Variants in BDP1 observed in about 807,000 individuals in gnomAD.
BDP1 encodes the protein transcription factor TFIIIB component B'' homolog.
BDP1 carries 169 observed loss-of-function variants against 266.6 expected under a neutral mutation model. The ratio of observed to expected loss-of-function variants is 0.63; its 90% CI spans 0.56 to 0.72. The LOEUF (loss-of-function observed/expected upper bound fraction) is 0.72. Ranked by LOEUF, BDP1 falls within the 30% of genes least tolerant of loss-of-function variation. The pLI, the probability that BDP1 is intolerant of heterozygous loss-of-function variation, is 0.00. For missense variants in BDP1, 3,015 were observed against 3,053.8 expected (o/e 0.99, Z 0.30); for synonymous variants, 1,090 against 1,022.4 (o/e 1.07, Z -1.26).
intron 21 of BDP1, 67 bp from the exon 22 acceptor site, chr5:71,517,255 G>A: frequency 7.9e-7 from 1 of 1,258,972 alleles, no homozygotes; most frequent in South Asian, 1.5e-5. Context: ...TATCTTAATG[G>A]TGGAAATATT....
At chr5:71,456,131 C>T (rs1207007796) in intron 1 of BDP1, 42 bp downstream of exon 1, 5 of 1,567,232 alleles carry the variant, frequency 3.2e-6, no homozygotes, top group Non-Finnish European at 4.4e-6. Context: ...TGTCCCGCCT[C>T]TCCGGGCATG....
intron 36 of BDP1, among the ~76,000 whole-genome samples, chr5:71,558,564 G>C (rs1015404476): frequency 3.3e-5 from 5 of 151,030 alleles, no homozygotes; most frequent in African/African-American, 1.2e-4. Flanking sequence ...GGTGGCTCAC[G>C]CCTGTAATCC....
At chr5:71,549,236 T>TC (rs1554126777) in intron 33 of BDP1, among the ~76,000 whole-genome samples, 184 bp from the exon 34 acceptor site, 16 of 151,784 alleles carry the variant, frequency 1.1e-4, no homozygotes, top group African/African-American at 1.5e-4. Context: ...AGACTCTGTC[T>TC]CCCCCCCGCA....
intron 38 of BDP1, among the ~76,000 whole-genome samples, chr5:71,564,068 T>C (rs1459101131): frequency 1.3e-5 from 2 of 152,188 alleles, no homozygotes; most frequent in Non-Finnish European, 2.9e-5. Flanking sequence ...CTGACTTTTT[T>C]CCCCCTGAGA....
At chr5:71,537,331 G>T (rs189865651) in intron 26 of BDP1, among the ~76,000 whole-genome samples, 100 of 152,058 alleles carry the variant, frequency 6.6e-4, no homozygotes, top group Non-Finnish European at 1.2e-3. Context: ...ACTGTTTTCT[G>T]GTTGTACCAA....
At chr5:71,531,884 CT>C (rs2150535222) in intron 25 of BDP1, among the ~76,000 whole-genome samples, 1 of 152,308 alleles carries the variant, frequency 6.6e-6, no homozygotes, top group South Asian at 2.1e-4. Flanking sequence ...GATTACATGT[CT>C]GCTTTTCTGT....
rs368170694 is a variant in BDP1, at chr5:71,540,627, T to C, written c.6023-827T>C. ...ACAGGCATGAGCCACCGCACCCAGC[T>C]TCCATTCATTTTAAGTATTAGACTT... On this transcript the variant is annotated intron_variant, in intron 28 of 38. Coordinates refer to ENST00000358731, the MANE Select transcript of BDP1 (RefSeq NM_018429.3). 9.9e-5 allele frequency among the ~76,000 whole-genome samples: 15 copies of C among 152,190 alleles called. 1 individual carries two copies. Among genetic ancestry groups the C allele is most frequent in the African/African-American group, 3.6e-4 (15 of 41,556 alleles).
chr5:71,468,468 T>A lies in BDP1; in HGVS notation c.919+981T>A, dbSNP rs190764632. Among the ~76,000 whole-genome samples the A allele has an allele frequency of 1.9e-3, 292 of 151,536 alleles. 7 individuals carry two copies. The East Asian group carries it at 0.049, about 25-fold the overall frequency. ...CAGCCCAGAAATTTTTTTTTTTTTT[T>A]AATTTCTTTCAGTCACTGTTCTGCT... On this transcript the variant is annotated intron_variant, in intron 6 of 38. Coordinates refer to ENST00000358731, the MANE Select transcript of BDP1 (RefSeq NM_018429.3).
intron 34 of BDP1, 73 bp from the exon 35 acceptor site, chr5:71,553,043 A>G: frequency 8.2e-7 from 1 of 1,219,038 alleles, no homozygotes; most frequent in African/African-American, 1.5e-5. Context: ...AAGGATTTCT[A>G]GGATCCTTTA....
chr5:71,556,971 CT>C (rs577689366), intron 36 of BDP1, 46 bp downstream of exon 36: 54 of 1,084,302 alleles, frequency 5.0e-5, no homozygotes, highest in Non-Finnish European at 7.0e-5. Flanking sequence ...CTAAATACTC[CT>C]GATTATTTGG....
intron 31 of BDP1, among the ~76,000 whole-genome samples, 159 bp from the exon 32 acceptor site, chr5:71,544,880 A>C (rs904308936): frequency 5.1e-5 from 3 of 58,470 alleles, no homozygotes; most frequent in Admixed American, 2.6e-4. Flanking sequence ...ACTCTGTCTC[A>C]AAAAAAAAAA....
At position 71,455,815 on chromosome 5, in the gene BDP1, G is replaced by A; in HGVS notation, c.-63G>A. The A allele has an allele frequency of 7.0e-7, 1 of 1,436,446 alleles. No homozygotes were observed. The highest frequency in any genetic ancestry group is 1.3e-5 in the South Asian group (1 of 75,840). The allele number at this position is 1,436,446 out of a possible 1,614,324, so 89.0% of individuals were successfully genotyped here. Reference sequence around the variant, plus strand: ...TAGTTCCTAATCCCCTTTCCGGGCAGCCGCCGGGGCTCGGGGCTGTGAGCG... The same window carrying A: ...TAGTTCCTAATCCCCTTTCCGGGCAACCGCCGGGGCTCGGGGCTGTGAGCG... On this transcript the variant is annotated 5_prime_UTR_variant, in exon 1 of 39. Transcript: ENST00000358731.
downstream of BDP1, among the ~76,000 whole-genome samples, chr5:71,569,109 G>T (rs924855813): frequency 6.6e-6 from 1 of 152,192 alleles, no homozygotes. Context: ...CATTCCCCAA[G>T]ACCAGTGGTT....
intron 15 of BDP1, 63 bp from the exon 16 acceptor site, chr5:71,504,558 A>G (rs949114086): frequency 9.7e-6 from 14 of 1,439,544 alleles, no homozygotes; most frequent in Admixed American, 2.2e-5. Context: ...GGACATTTTC[A>G]ATGAAATCTG....
chr5:71,529,318 A>G (rs1766092764), intron 25 of BDP1, among the ~76,000 whole-genome samples: 1 of 152,134 alleles, frequency 6.6e-6, no homozygotes, highest in Admixed American at 6.5e-5. Flanking sequence ...TGAAACCAGA[A>G]GGCAATGGTT....
chr5:71,504,838 G>A, intron 16 of BDP1, 87 bp downstream of exon 16: 3 of 1,300,208 alleles, frequency 2.3e-6, no homozygotes, highest in Non-Finnish European at 3.3e-6. Context: ...AAGCAATTTA[G>A]ATGGATTTGT....
At chr5:71,538,194 A>G (rs1766751474) in intron 26 of BDP1, among the ~76,000 whole-genome samples, 1 of 152,050 alleles carries the variant, frequency 6.6e-6, no homozygotes, top group South Asian at 2.1e-4. Context: ...ATTTTTATTC[A>G]TTGTTGGATT....
Position 71,524,297 on chromosome 5 carries a change from G to A in BDP1, c.5746G>A (p.Ala1916Thr), listed in dbSNP as rs771841596. ...TCTCAGATCTCCTGAACCTGTTTCTGCTCAGATTGAGGAAACAATGGAAGA... is the reference window on the plus strand; with the variant it reads ...TCTCAGATCTCCTGAACCTGTTTCTACTCAGATTGAGGAAACAATGGAAGA... ...VGLRSPEPVS[A>T]QIEETMEELE... is the part of the protein sequence containing the mutation. The change falls in exon 25 of 39, where the codon GCT (alanine) becomes ACT (threonine). Residue 1916 changes from alanine to threonine, a missense_variant. Physicochemically the swap from Ala to Thr is moderately conservative, Grantham distance 58. Around this residue, in one of 3 missense-constraint regions of BDP1, gnomAD observed 2,383 missense variants for 2,404.9 expected, o/e 0.99. Coordinates refer to ENST00000358731, the MANE Select transcript of BDP1 (RefSeq NM_018429.3). 6.3e-7 allele frequency: 1 copy of A among 1,595,974 alleles called. No homozygotes were observed. The highest frequency in any genetic ancestry group is 8.6e-7 in the Non-Finnish European group (1 of 1,166,598).
intron 26 of BDP1, among the ~76,000 whole-genome samples, chr5:71,535,819 G>A (rs992038143): frequency 3.9e-5 from 6 of 151,914 alleles, no homozygotes; most frequent in African/African-American, 1.5e-4. Context: ...TTCCCCTTGT[G>A]TATGTGTAAC....
Sources: gnomAD v4.1 joint callset for allele counts (sites outside exome capture counted in the v4.1 genomes callset) on GRCh38, gnomAD v4.1.1 for gene constraint, gnomAD v4.1.1 regional missense constraint, MANE v1.5 for transcripts, NCBI Gene and HGNC (gene_info 2026-07-23, HGNC 2026-07-21) for gene names.